TDRP: variants seen among roughly 807,000 people sequenced by gnomAD.
The protein encoded by TDRP is testis development-related protein.
TDRP carries 12 observed loss-of-function variants against 10.5 expected under a neutral mutation model. That is an observed-to-expected ratio of 1.15 (90% CI 0.73 to 1.86). The LOEUF (loss-of-function observed/expected upper bound fraction) is 1.86, where lower values mean the gene tolerates loss of function less well. Ranked by LOEUF, TDRP falls within the 40% of genes most tolerant of loss-of-function variation. TDRP has a pLI of 0.00. For missense variants in TDRP, 353 were observed against 229.2 expected, an observed-to-expected ratio of 1.54 and a Z score of -3.49; for synonymous variants, 139 against 95.4, an observed-to-expected ratio of 1.46 and a Z score of -2.67.
chr8:535,108 T>G lies in TDRP; in HGVS notation c.108+9542A>C, dbSNP rs549714177. ...TTTTGTACAGAATATTGTACTTCCA[T>G]CTGAAAGATTAGAAAGCTACATCAT... is the stretch of plus-strand genomic sequence containing the variant. On this transcript the variant is annotated intron_variant, in intron 1 of 2. Coordinates refer to ENST00000324079, the MANE Select transcript of TDRP (RefSeq NM_001384899.1). Among the ~76,000 whole-genome samples, 10 of 152,312 alleles carry G rather than the reference T, an allele frequency of 6.6e-5. No individual in the cohort carries two copies. The South Asian group carries it at 2.1e-3, about 32-fold the overall frequency.
chr8:540,012 A>G (rs1278992883), intron 1 of TDRP, among the ~76,000 whole-genome samples: 1 of 152,248 alleles, frequency 6.6e-6, no homozygotes, highest in Non-Finnish European at 1.5e-5. Context: ...TTAGAAAGCC[A>G]TTAGTTAAGC....
At chr8:530,457 A>T (rs915549649) in intron 1 of TDRP, among the ~76,000 whole-genome samples, 1 of 152,010 alleles carries the variant, frequency 6.6e-6, no homozygotes, top group Admixed American at 6.6e-5. Context: ...TATCTGAAAA[A>T]ACAGCCACCT....
At chr8:529,844 G>A (rs769538326) in intron 1 of TDRP, among the ~76,000 whole-genome samples, 2 of 152,112 alleles carry the variant, frequency 1.3e-5, no homozygotes, top group Non-Finnish European at 2.9e-5. Context: ...CTTTCTCAGT[G>A]TGGGCTTCTT....
chr8:522,877 G>C (rs1900695), intron 1 of TDRP, among the ~76,000 whole-genome samples: 81,204 of 152,042 alleles, frequency 0.53, 22,500 homozygotes, highest in Admixed American at 0.62. Flanking sequence ...CTCTTGCATG[G>C]AATCTTTTTC....
intron 1 of TDRP, among the ~76,000 whole-genome samples, chr8:513,513 A>G (rs773117762): frequency 6.6e-6 from 1 of 152,238 alleles, no homozygotes. Flanking sequence ...TCAACCTAGT[A>G]ATGGGTGTCT....
intron 1 of TDRP, among the ~76,000 whole-genome samples, chr8:511,532 A>C (rs1321908438): frequency 1.3e-5 from 2 of 152,206 alleles, no homozygotes; most frequent in Non-Finnish European, 2.9e-5. Flanking sequence ...AGATTTCACC[A>C]TGCCACTTTC....
intron 1 of TDRP, among the ~76,000 whole-genome samples, chr8:513,771 G>A (rs1801680243): frequency 6.6e-6 from 1 of 152,180 alleles, no homozygotes; most frequent in South Asian, 2.1e-4. Context: ...AAAAACCTAT[G>A]TTAGAACTAA....
intron 1 of TDRP, among the ~76,000 whole-genome samples, chr8:515,836 T>G (rs1053784171): frequency 6.6e-6 from 1 of 152,156 alleles, no homozygotes; most frequent in South Asian, 2.1e-4. Context: ...ATAATTACTT[T>G]TAGACAATGA....
chr8:528,606 T>C lies in TDRP; in HGVS notation c.108+16044A>G, dbSNP rs548220139. Among the ~76,000 whole-genome samples the C allele has an allele frequency of 9.1e-5, 12 of 131,442 alleles. 1 individual carries two copies. The highest frequency in any genetic ancestry group is 2.4e-4 in the African/African-American group (9 of 38,080). The allele number at this position is 131,442 out of a possible 152,430, so 86.2% of individuals were successfully genotyped here. A position where few individuals can be genotyped will look rare whatever the true frequency, so the allele number is the denominator to read the frequency against. On this transcript the variant is annotated intron_variant, in intron 1 of 2. Coordinates refer to ENST00000324079, the MANE Select transcript of TDRP (RefSeq NM_001384899.1). Reference sequence around the variant, plus strand: ...GACTACAGCCAATAATATTAAATAATTGTACTTTTAAAAAATAAGAGTATA... The same window carrying C: ...GACTACAGCCAATAATATTAAATAACTGTACTTTTAAAAAATAAGAGTATA...
intron 1 of TDRP, among the ~76,000 whole-genome samples, chr8:506,890 G>C (rs1584860469): frequency 6.6e-6 from 1 of 152,200 alleles, no homozygotes; most frequent in Non-Finnish European, 1.5e-5. Flanking sequence ...AGGAACACTG[G>C]AGTCTGTGGT....
intron 1 of TDRP, among the ~76,000 whole-genome samples, chr8:542,583 G>T (rs181888308): frequency 4.1e-4 from 63 of 152,254 alleles, no homozygotes; most frequent in African/African-American, 1.5e-3. Flanking sequence ...ACAGATAACA[G>T]GCCAGGCGCG....
At chr8:503,969 A>T (rs1413712917) in intron 1 of TDRP, among the ~76,000 whole-genome samples, 1 of 109,030 alleles carries the variant, frequency 9.2e-6, no homozygotes. Context: ...CCTCAGCACA[A>T]GTCAACATGG....
chr8:509,765 G>A (rs185132911), intron 1 of TDRP, among the ~76,000 whole-genome samples: 43 of 152,298 alleles, frequency 2.8e-4, no homozygotes, highest in African/African-American at 8.9e-4. Flanking sequence ...CAGCTGGCTT[G>A]AATTTCTCCC....
chr8:529,236 ACACT>A (rs1438693714), intron 1 of TDRP, among the ~76,000 whole-genome samples: 1 of 152,174 alleles, frequency 6.6e-6, no homozygotes, highest in Non-Finnish European at 1.5e-5. Context: ...AATCAAGTTG[ACACT>A]CAGTATTAAC....
intron 1 of TDRP, among the ~76,000 whole-genome samples, chr8:544,168 G>A (rs1802573420): frequency 6.6e-6 from 1 of 152,136 alleles, no homozygotes; most frequent in Non-Finnish European, 1.5e-5. Flanking sequence ...GTCGTCCAAA[G>A]CTGCTTAGTG....
chr8:500,983 G>A (rs1801276715), intron 1 of TDRP, among the ~76,000 whole-genome samples: 2 of 152,122 alleles, frequency 1.3e-5, no homozygotes, highest in Non-Finnish European at 2.9e-5. Context: ...AAGGTGGGTG[G>A]ATCACAAGGT....
intron 1 of TDRP, among the ~76,000 whole-genome samples, chr8:520,570 C>G (rs532597895): frequency 6.6e-6 from 1 of 152,336 alleles, no homozygotes; most frequent in South Asian, 2.1e-4. Context: ...CAACAGTGCA[C>G]AGGTGTTCCA....
chr8:520,161 T>C (rs1197638292), intron 1 of TDRP, among the ~76,000 whole-genome samples: 3 of 152,250 alleles, frequency 2.0e-5, no homozygotes, highest in Non-Finnish European at 4.4e-5. Flanking sequence ...GCTGCTCAGT[T>C]ACATGACTAC....
rs1390271353 is a variant in TDRP, at chr8:521,206, T to C, written c.108+23444A>G. 6.9e-5 allele frequency among the ~76,000 whole-genome samples: 9 copies of C among 129,730 alleles called. No homozygotes were observed. The South Asian group carries it at 7.5e-4, about 11-fold the overall frequency. The allele number at this position is 129,730 out of a possible 152,430, so 85.1% of individuals were successfully genotyped here. ...TCATGAGGTCAGGAGATAGAGATCA[T>C]CCTGGCTAACACGGTCAAACCCCGT... is the stretch of plus-strand genomic sequence containing the variant. On this transcript the variant is annotated intron_variant, in intron 1 of 2. Transcript: ENST00000324079.
Sources: allele counts gnomAD v4.1 joint callset (sites outside exome capture counted in the v4.1 genomes callset), GRCh38; gene constraint gnomAD v4.1.1; transcripts MANE v1.5; gene names NCBI Gene and HGNC (gene_info 2026-07-23, HGNC 2026-07-21).